The following LFNG variants were observed in gnomAD, a reference collection of about 807,000 sequenced individuals.
LFNG encodes the protein beta-1,3-N-acetylglucosaminyltransferase lunatic fringe.
In LFNG, 15 loss-of-function variants were observed where a neutral mutation model predicts 32.7. The observed-to-expected ratio is 0.46, with a 90% CI of 0.31 to 0.71. The LOEUF (loss-of-function observed/expected upper bound fraction) is 0.71, where lower values mean the gene tolerates loss of function less well. Ranked by LOEUF, LFNG falls within the 30% of genes least tolerant of loss-of-function variation. LFNG has a pLI of 0.06. For missense variants in LFNG, 520 were observed against 545.7 expected (o/e 0.95, Z 0.47); for synonymous variants, 274 against 246.8 (o/e 1.11, Z -1.03).
upstream of LFNG, chr7:2,513,190 A>T (rs1317113651): frequency 6.2e-7 from 1 of 1,613,770 alleles, no homozygotes; most frequent in East Asian, 2.2e-5. Context: ...GCAAATGCTC[A>T]GGAAGGCTGT....
chr7:2,527,585 T>C lies in LFNG; in HGVS notation c.*373T>C. On this transcript the variant is annotated 3_prime_UTR_variant, in exon 8 of 8. Transcript: ENST00000222725. The surrounding 1 kb of genome is among the most constrained non-coding windows in gnomAD (Gnocchi z 4.4). ...TGCAGGGATGCGATGCGTAGGTGCC[T>C]TTCTCTTCCTGCTGACCACAAGCTC... 1 of 1,201,350 alleles carries C rather than the reference T, an allele frequency of 8.3e-7. No homozygotes were observed. Among genetic ancestry groups the C allele is most frequent in the Non-Finnish European group, 1.1e-6 (1 of 952,272 alleles). The allele number at this position is 1,201,350 out of a possible 1,614,324, so 74.4% of individuals were successfully genotyped here.
upstream of LFNG, chr7:2,518,479 A>C: frequency 1.2e-6 from 1 of 855,456 alleles, no homozygotes; most frequent in Non-Finnish European, 2.1e-6. Flanking sequence ...AGAGGGTCTG[A>C]CAGTGGGGCC....
upstream of LFNG, among the ~76,000 whole-genome samples, chr7:2,513,490 G>A (rs1017395088): frequency 6.6e-6 from 1 of 152,196 alleles, no homozygotes; most frequent in African/African-American, 2.4e-5. Context: ...CACAAGCCCA[G>A]GATCACATAG....
intron 4 of LFNG, 27 bp downstream of exon 4, chr7:2,525,594 C>G (rs1779944503): frequency 2.5e-6 from 4 of 1,611,942 alleles, no homozygotes; most frequent in African/African-American, 2.7e-5. Context: ...CCCAGTCCCC[C>G]ACGCCCACGC....
chr7:2,521,223 G>A (rs1223742583), intron 1 of LFNG, among the ~76,000 whole-genome samples: 2 of 152,190 alleles, frequency 1.3e-5, no homozygotes, highest in Non-Finnish European at 2.9e-5. Flanking sequence ...TGAGGGCGAC[G>A]GGGAGGGGCA....
rs751056886 is a variant in LFNG, at chr7:2,524,763, C to T, written c.481+20C>T. ...ACACGGGTGAGCCCTGGACTTGGGG[C>T]GGGAGGGGGCCCAGGCCTCCATCCA... On this transcript the variant is annotated intron_variant, in intron 2 of 7. Coordinates refer to ENST00000222725, the MANE Select transcript of LFNG (RefSeq NM_001040167.2). The T allele has an allele frequency of 9.6e-6, 15 of 1,570,246 alleles. No individual in the cohort carries two copies. In the Admixed American group the frequency reaches 2.2e-4, roughly 23 times the overall value.
chr7:2,521,473 G>A (rs1005714896), intron 1 of LFNG, among the ~76,000 whole-genome samples: 3 of 152,232 alleles, frequency 2.0e-5, no homozygotes, highest in Admixed American at 6.5e-5. Context: ...GGCCCCTTGT[G>A]TGCAGCTACG....
chr7:2,512,605 C>G, exon 1 of LFNG: 4 of 1,586,098 alleles, frequency 2.5e-6, no homozygotes, highest in Non-Finnish European at 3.5e-6. Context: ...CTCCTGGCCA[C>G]CCTCGCAGCT....
chr7:2,527,473 G>A lies in LFNG; in HGVS notation c.*261G>A. The A allele has an allele frequency of 1.4e-6, 2 of 1,406,116 alleles. No homozygotes were observed. Among genetic ancestry groups the A allele is most frequent in the South Asian group, 3.0e-5 (2 of 67,060 alleles). The allele number at this position is 1,406,116 out of a possible 1,614,324, so 87.1% of individuals were successfully genotyped here. A position where few individuals can be genotyped will look rare whatever the true frequency, so the allele number is the denominator to read the frequency against. On this transcript the variant is annotated 3_prime_UTR_variant, in exon 8 of 8. Transcript: ENST00000222725. This position sits in a 1 kb window ranked among gnomAD's most constrained non-coding sequence, Gnocchi z 4.4. The stretch of plus-strand genomic sequence containing the variant: ...AGTGGGCTGCAGGGCCTGCTTGGAG[G>A]AAGGATTTGTGTGTCGGAGGCCACT...
intron 1 of LFNG, among the ~76,000 whole-genome samples, chr7:2,521,222 C>T (rs1277083113): frequency 2.0e-5 from 3 of 151,218 alleles, no homozygotes; most frequent in Non-Finnish European, 2.9e-5. Flanking sequence ...ATGAGGGCGA[C>T]GGGGAGGGGC....
Position 2,527,625 on chromosome 7 carries a change from C to G in LFNG, c.*413C>G, listed in dbSNP as rs546173366. ...ACCACAAGCTCTGTGCTGGGGGTAC[C>G]TGTGCCCTGAAGTCCTGGCCCCTGT... On this transcript the variant is annotated 3_prime_UTR_variant, in exon 8 of 8. Transcript: ENST00000222725. The surrounding 1 kb of genome is among the most constrained non-coding windows in gnomAD (Gnocchi z 4.4). 3.2e-5 allele frequency: 38 copies of G among 1,169,256 alleles called. No individual in the cohort carries two copies. The highest frequency in any genetic ancestry group is 3.2e-4 in the African/African-American group (20 of 62,582). The allele number at this position is 1,169,256 out of a possible 1,614,324, so 72.4% of individuals were successfully genotyped here. A position where few individuals can be genotyped will look rare whatever the true frequency, so the allele number is the denominator to read the frequency against.
upstream of LFNG, chr7:2,513,247 A>AGATG (rs34637446): frequency 0.3 from 470,707 of 1,583,336 alleles, 63,967 homozygotes; most frequent in East Asian, 0.51. Context: ...ACAGATGGAC[A>AGATG]GATGGATGGA....
chr7:2,515,512 C>T (rs541294506), upstream of LFNG, among the ~76,000 whole-genome samples: 7 of 152,330 alleles, frequency 4.6e-5, no homozygotes, highest in African/African-American at 1.7e-4. Context: ...GGCCAGGATG[C>T]CCCCCGAAGC....
chr7:2,520,053 C>A lies in LFNG; in HGVS notation c.192C>A (p.Pro64=). The A allele has an allele frequency of 8.9e-7, 1 of 1,128,586 alleles. No individual in the cohort carries two copies. The highest frequency in any genetic ancestry group is 3.6e-5 in the South Asian group (1 of 27,970). 69.9% of individuals were successfully genotyped at this position (1,128,586 alleles called of 1,614,324 possible). The change falls in exon 1 of 8, where the codon CCC becomes CCA. Residue 64 remains proline (P), a synonymous_variant. Coordinates refer to ENST00000222725, the MANE Select transcript of LFNG (RefSeq NM_001040167.2). The surrounding 1 kb of genome is among the most constrained non-coding windows in gnomAD (Gnocchi z 5.0). ...GGCTGGGGGCGGCGGCGGCGGCGCC[C>A]GGGGCGCTGGTCCGCGACGTGCACA... is the stretch of plus-strand genomic sequence containing the variant. ...APGLGAAAAA[P]GALVRDVHSL...
At chr7:2,519,313 A>G (rs1229617886), upstream of LFNG, among the ~76,000 whole-genome samples, 3 of 152,096 alleles carry the variant, frequency 2.0e-5, no homozygotes, top group Admixed American at 2.0e-4. Context: ...CCGCGTCCCA[A>G]GGGGAGGAAG....
In LFNG at chr7:2,528,424, C is replaced by A. The variant is rs1292167070; in HGVS notation, c.*1212C>A. 2.0e-6 allele frequency: 2 copies of A among 990,030 alleles called. No individual in the cohort carries two copies. Among genetic ancestry groups the A allele is most frequent in the East Asian group, 1.1e-4 (1 of 9,052 alleles). The allele number at this position is 990,030 out of a possible 1,614,324, so 61.3% of individuals were successfully genotyped here. A position where few individuals can be genotyped will look rare whatever the true frequency, so the allele number is the denominator to read the frequency against. ...TTGCTGTGAATAAAGGTGCTCTTTG[C>A]AGCAATCCTGGGGGTCCTGGTCTTG... On this transcript the variant is annotated 3_prime_UTR_variant, in exon 8 of 8. Coordinates refer to ENST00000222725, the MANE Select transcript of LFNG (RefSeq NM_001040167.2).
chr7:2,512,631 C>CT (rs771849480), exon 1 of LFNG: 2 of 1,613,262 alleles, frequency 1.2e-6, no homozygotes, highest in South Asian at 2.2e-5. Flanking sequence ...CCTCCCTGGC[C>CT]ACAAGGACCC....
rs775467685 is a variant in LFNG, at chr7:2,526,967, G to A, written c.1073+46G>A. 9 of 1,554,950 alleles carry A rather than the reference G, an allele frequency of 5.8e-6. No individual in the cohort carries two copies. Among genetic ancestry groups the A allele is most frequent in the South Asian group, 3.4e-5 (3 of 88,938 alleles). On this transcript the variant is annotated intron_variant, in intron 7 of 7. Coordinates refer to ENST00000222725, the MANE Select transcript of LFNG (RefSeq NM_001040167.2). The surrounding 1 kb of genome is among the most constrained non-coding windows in gnomAD (Gnocchi z 6.9). Reference sequence around the variant, plus strand: ...ATGGGCTTGCGTAGGGTGGCCTAGGGGCGTCAGGGGGCCTCGTGGAGCTGC... The same window carrying A: ...ATGGGCTTGCGTAGGGTGGCCTAGGAGCGTCAGGGGGCCTCGTGGAGCTGC...
chr7:2,517,594 A>C (rs1382464284), upstream of LFNG: 2 of 437,080 alleles, frequency 4.6e-6, no homozygotes, highest in African/African-American at 4.1e-5. Flanking sequence ...GGCTCAGGGC[A>C]GGAAGCCCCA....
Sources: gnomAD v4.1 joint callset for allele counts (sites outside exome capture counted in the v4.1 genomes callset) on GRCh38, gnomAD v4.1.1 for gene constraint, Gnocchi (gnomAD v3.1) non-coding constraint, MANE v1.5 for transcripts, NCBI Gene and HGNC (gene_info 2026-07-23, HGNC 2026-07-21) for gene names.